The following CCDC180 variants were observed in gnomAD, a reference collection of about 807,000 sequenced individuals.
CCDC180 encodes the protein coiled-coil domain-containing protein 180.
Under a neutral mutation model 209.2 loss-of-function variants are expected in CCDC180, and 154 were observed. That is an observed-to-expected ratio of 0.74 (90% CI 0.65 to 0.84). The LOEUF (loss-of-function observed/expected upper bound fraction) is 0.84. Ranked by LOEUF, CCDC180 falls within the 40% of genes least tolerant of loss-of-function variation. The pLI is 0.00. For missense variants in CCDC180, 1,874 were observed against 1,997.3 expected, an observed-to-expected ratio of 0.94 and a Z score of 1.18; for synonymous variants, 778 against 749.1, an observed-to-expected ratio of 1.04 and a Z score of -0.63.
intron 20 of CCDC180, among the ~76,000 whole-genome samples, chr9:97,348,121 G>T (rs900320788): frequency 0.076 from 154 of 2,036 alleles, 1 homozygote; most frequent in Middle Eastern, 0.5. Context: ...ATGCGGGGCG[G>T]GGGGGGGGCA....
rs765854548 is a variant in CCDC180, at chr9:97,376,873, T to C, written c.4953T>C (p.Thr1651=). The C allele has an allele frequency of 4.3e-6, 7 of 1,612,550 alleles. No homozygotes were observed. The Admixed American group carries it at 1.0e-4, about 23-fold the overall frequency. ...ACAGCTGGAAGCAGTCCCTGCACAC[T>C]ATCCAAGGCCTGTATGTGTGACCCT... is the stretch of plus-strand genomic sequence containing the variant. The part of the protein sequence containing the change: ...WKDSWKQSLH[T]IQGLYV Residue 1651 remains threonine, a synonymous_variant, in exon 37 of 37, where the codon ACT becomes ACC. Transcript: ENST00000529487.
intron 8 of CCDC180, among the ~76,000 whole-genome samples, chr9:97,315,274 T>G (rs1423152528): frequency 6.6e-6 from 1 of 152,188 alleles, no homozygotes; most frequent in East Asian, 1.9e-4. Context: ...AGCAACTGTG[T>G]GCAATGCAAT....
At chr9:97,317,872 G>A (rs1386252127) in intron 9 of CCDC180, among the ~76,000 whole-genome samples, 1 of 152,188 alleles carries the variant, frequency 6.6e-6, no homozygotes, top group Non-Finnish European at 1.5e-5. Flanking sequence ...CTGTGACAGA[G>A]TTTCAGTGAT....
At chr9:97,350,900 T>C (rs1336481810) in intron 22 of CCDC180, among the ~76,000 whole-genome samples, 2 of 152,240 alleles carry the variant, frequency 1.3e-5, no homozygotes, top group Non-Finnish European at 2.9e-5. Flanking sequence ...AGTGGAATCA[T>C]ATATTTGTCC....
chr9:97,310,613 C>G (rs965959052), intron 3 of CCDC180, among the ~76,000 whole-genome samples: 1 of 152,126 alleles, frequency 6.6e-6, no homozygotes, highest in Non-Finnish European at 1.5e-5. Flanking sequence ...AAGCCATAAA[C>G]CCTTGCTGGG....
At chr9:97,308,921 C>T (rs975591878) in intron 2 of CCDC180, among the ~76,000 whole-genome samples, 6 of 151,428 alleles carry the variant, frequency 4.0e-5, no homozygotes, top group Non-Finnish European at 7.4e-5. Flanking sequence ...TGAGATCATA[C>T]GGTATAGTTT....
In CCDC180 at chr9:97,330,601, CCTTAAA is replaced by C; in HGVS notation, c.2110_2115del (p.Leu704_Asn705del). On this transcript the variant is annotated inframe_deletion, in exon 18 of 37. Coordinates refer to ENST00000529487, the MANE Select transcript of CCDC180 (RefSeq NM_020893.6). The stretch of plus-strand genomic sequence containing the variant: ...GAAATGCAGGTTGAAAGAGAGGGCT[CCTTAAA>C]CCCATCCCTGAATGAGGAGAATGTG... 6.2e-7 allele frequency: 1 copy of C among 1,613,776 alleles called. No individual in the cohort carries two copies. The highest frequency in any genetic ancestry group is 8.5e-7 in the Non-Finnish European group (1 of 1,179,966).
At position 97,317,086 on chromosome 9, in the gene CCDC180, G is replaced by A. The variant is rs1341070180; in HGVS notation, c.817G>A (p.Gly273Ser). The A allele has an allele frequency of 1.9e-6, 3 of 1,612,750 alleles. No homozygotes were observed. In the African/African-American group the frequency reaches 4.0e-5, roughly 22 times the overall value. ...EAMVMNYALL[G>S]NRKALAQLFV... ...ACAGGTCATGAACTATGCCCTGCTG[G>A]GCAACCGGAAGGCTCTCGCCCAGCT... Residue 273 changes from glycine to serine, a missense_variant, in exon 9 of 37, where the codon GGC becomes AGC. Coordinates refer to ENST00000529487, the MANE Select transcript of CCDC180 (RefSeq NM_020893.6).
intron 14 of CCDC180, among the ~76,000 whole-genome samples, chr9:97,325,891 T>A (rs1833514745): frequency 6.6e-6 from 1 of 152,200 alleles, no homozygotes. Context: ...TATTTCGAAG[T>A]CCAGTAGTTA....
chr9:97,322,424 A>G (rs914365343), intron 11 of CCDC180, among the ~76,000 whole-genome samples: 2 of 152,216 alleles, frequency 1.3e-5, no homozygotes, highest in Non-Finnish European at 2.9e-5. Context: ...GGAGAAATAG[A>G]GAAAATAAAT....
At chr9:97,317,771 A>C (rs1234766859) in intron 9 of CCDC180, among the ~76,000 whole-genome samples, 1 of 151,982 alleles carries the variant, frequency 6.6e-6, no homozygotes, top group East Asian at 1.9e-4. Flanking sequence ...ACCAAGGCCT[A>C]CCTCCATCTT....
At chr9:97,312,402 G>A (rs1833019440) in intron 4 of CCDC180, among the ~76,000 whole-genome samples, 1 of 152,098 alleles carries the variant, frequency 6.6e-6, no homozygotes, top group Admixed American at 6.5e-5. Flanking sequence ...GGGGAGGAGG[G>A]GAGCCGCCTG....
intron 11 of CCDC180, among the ~76,000 whole-genome samples, chr9:97,322,390 T>C (rs1157019224): frequency 6.6e-6 from 1 of 152,182 alleles, no homozygotes; most frequent in Non-Finnish European, 1.5e-5. Context: ...ACTGAGTTTA[T>C]TATAAGCTGG....
At chr9:97,323,976 G>C in intron 13 of CCDC180, 73 bp downstream of exon 13, 2 of 1,507,310 alleles carry the variant, frequency 1.3e-6, no homozygotes, top group Non-Finnish European at 1.8e-6. Flanking sequence ...GGGCTGTAGG[G>C]AGAGTCCAAG....
chr9:97,374,490 C>A (rs1190074481), intron 34 of CCDC180, 53 bp from the exon 35 acceptor site: 18 of 1,390,258 alleles, frequency 1.3e-5, no homozygotes, highest in Non-Finnish European at 1.8e-5. Flanking sequence ...GGAAATCCCT[C>A]GATCTCAGGC....
chr9:97,375,116 G>A (rs1193564321), intron 35 of CCDC180, among the ~76,000 whole-genome samples: 2 of 152,266 alleles, frequency 1.3e-5, no homozygotes, highest in East Asian at 1.9e-4. Flanking sequence ...GGTGTTCAGG[G>A]CATCATAGGA....
At chr9:97,336,293 T>C (rs1267176417) in intron 18 of CCDC180, among the ~76,000 whole-genome samples, 1 of 152,218 alleles carries the variant, frequency 6.6e-6, no homozygotes, top group Non-Finnish European at 1.5e-5. Context: ...TTTATGGTTT[T>C]AGGTCTAACA....
intron 31 of CCDC180, among the ~76,000 whole-genome samples, chr9:97,368,778 C>G (rs1564176913): frequency 6.6e-6 from 1 of 152,126 alleles, no homozygotes; most frequent in Admixed American, 6.5e-5. Flanking sequence ...ATCTTCAGTT[C>G]AGGCCTCAAA....
At chr9:97,356,688 A>C (rs1826594824) in intron 24 of CCDC180, among the ~76,000 whole-genome samples, 2 of 152,198 alleles carry the variant, frequency 1.3e-5, no homozygotes, top group Admixed American at 1.3e-4. Context: ...GCTGGCACTG[A>C]TTCTTTTTTC....
Sources: gnomAD v4.1 joint callset for allele counts (sites outside exome capture counted in the v4.1 genomes callset) on GRCh38, gnomAD v4.1.1 for gene constraint, MANE v1.5 for transcripts, NCBI Gene and HGNC (gene_info 2026-07-23, HGNC 2026-07-21) for gene names.